The following PPP2R5E variants were observed in gnomAD, a reference collection of about 807,000 sequenced individuals.
PPP2R5E encodes the protein protein phosphatase 2 regulatory subunit B'epsilon.
PPP2R5E carries 4 observed loss-of-function variants against 65.3 expected under a neutral mutation model. The observed-to-expected ratio is 0.06, with a 90% CI of 0.03 to 0.14. PPP2R5E has a LOEUF of 0.14. Among genes scored for constraint, PPP2R5E ranks in the 10% least tolerant of loss-of-function variants. The pLI is 1.00. For missense variants in PPP2R5E, 274 were observed against 556.1 expected (o/e 0.49, Z 5.10); for synonymous variants, 183 against 187.4 (o/e 0.98, Z 0.19).
At chr14:63,419,324 A>G (rs534413460) in intron 4 of PPP2R5E, among the ~76,000 whole-genome samples, 1 of 152,284 alleles carries the variant, frequency 6.6e-6, no homozygotes, top group African/African-American at 2.4e-5. Context: ...TGTTCCAGAA[A>G]AGGAAGCGTA....
intron 7 of PPP2R5E, 75 bp downstream of exon 7, chr14:63,395,151 T>C (rs1594823468): frequency 1.7e-5 from 22 of 1,258,098 alleles, no homozygotes; most frequent in Middle Eastern, 4.3e-4. Context: ...TAGGTGAGCA[T>C]CTCTTGGTGC....
intron 3 of PPP2R5E, chr14:63,453,123 AAT>A (rs1888937271): frequency 2.0e-5 from 3 of 152,220 alleles, no homozygotes; most frequent in Admixed American, 2.0e-4. Flanking sequence ...TTATGTTAAT[AAT>A]GTTTTTCCTC....
chr14:63,497,976 C>T (rs1029809293), intron 2 of PPP2R5E, among the ~76,000 whole-genome samples: 1 of 152,162 alleles, frequency 6.6e-6, no homozygotes, highest in Non-Finnish European at 1.5e-5. Flanking sequence ...TTCTTATTCA[C>T]TTAGAATAAT....
Position 63,404,611 on chromosome 14 carries a change from T to C in PPP2R5E, c.550-7895A>G, listed in dbSNP as rs947682074. On this transcript the variant is annotated intron_variant, in intron 5 of 13. Coordinates refer to ENST00000337537, the MANE Select transcript of PPP2R5E (RefSeq NM_006246.5). Reference sequence around the variant, plus strand: ...CAATGGGGACAAGGCATCAAAAGGTTGCGATCACAAGCTTCTGGCAATTCT... The same window carrying C: ...CAATGGGGACAAGGCATCAAAAGGTCGCGATCACAAGCTTCTGGCAATTCT... Among the ~76,000 whole-genome samples the C allele has an allele frequency of 3.3e-5, 5 of 152,192 alleles. No individual in the cohort carries two copies. In the South Asian group the frequency reaches 6.2e-4, roughly 19 times the overall value.
intron 5 of PPP2R5E, among the ~76,000 whole-genome samples, chr14:63,410,245 C>G (rs1049235820): frequency 6.6e-6 from 1 of 151,974 alleles, no homozygotes; most frequent in Admixed American, 6.6e-5. Context: ...TAGAAATCTG[C>G]CCAAAGAAAA....
At chr14:63,435,183 T>G (rs1322301345) in intron 3 of PPP2R5E, among the ~76,000 whole-genome samples, 1 of 152,164 alleles carries the variant, frequency 6.6e-6, no homozygotes, top group East Asian at 1.9e-4. Context: ...AATTGCTAAA[T>G]TCATTGAACG....
At chr14:63,397,049 T>C (rs1226772604) in intron 5 of PPP2R5E, among the ~76,000 whole-genome samples, 1 of 152,194 alleles carries the variant, frequency 6.6e-6, no homozygotes, top group African/African-American at 2.4e-5. Context: ...TGTCCCCCTT[T>C]TACAGAAGAG....
chr14:63,387,720 T>TG (rs60864068), intron 11 of PPP2R5E, among the ~76,000 whole-genome samples: 3,492 of 152,328 alleles, frequency 0.023, 142 homozygotes, highest in African/African-American at 0.08. Flanking sequence ...ATTCATATGT[T>TG]GAAGTCCTAA....
chr14:63,393,383 T>C (rs12590653), intron 8 of PPP2R5E, among the ~76,000 whole-genome samples: 6,151 of 151,614 alleles, frequency 0.041, 270 homozygotes, highest in East Asian at 0.14. Flanking sequence ...CCTCGGGGAG[T>C]ATTTTAAACT....
At chr14:63,475,981 T>C (rs1421413037) in intron 2 of PPP2R5E, among the ~76,000 whole-genome samples, 2 of 152,226 alleles carry the variant, frequency 1.3e-5, no homozygotes, top group Non-Finnish European at 2.9e-5. Flanking sequence ...TGTATGCATG[T>C]CTATATATTC....
chr14:63,400,699 C>CAAAAAA lies in PPP2R5E; in HGVS notation c.550-3989_550-3984dup, dbSNP rs150068587. On this transcript the variant is annotated intron_variant, in intron 5 of 13. Transcript: ENST00000337537. ...AGAAAGGCATGTGGCCCCAACCAGC[C>CAAAAAA]AAAAAAAAAAGGCCCCATATAGACT... Among the ~76,000 whole-genome samples the CAAAAAA allele has an allele frequency of 3.3e-4, 24 of 73,750 alleles. 2 individuals are homozygous for CAAAAAA. In the South Asian group the frequency reaches 3.4e-3, roughly 10 times the overall value. 48.4% of individuals were successfully genotyped at this position (73,750 alleles called of 152,430 possible).
chr14:63,414,837 C>T (rs1402498287), intron 5 of PPP2R5E, among the ~76,000 whole-genome samples: 2 of 152,098 alleles, frequency 1.3e-5, no homozygotes, highest in Non-Finnish European at 2.9e-5. Context: ...TATAACGATT[C>T]CCACAAACCA....
At chr14:63,466,294 A>T (rs544967769) in intron 2 of PPP2R5E, among the ~76,000 whole-genome samples, 3 of 150,630 alleles carry the variant, frequency 2.0e-5, no homozygotes, top group East Asian at 3.9e-4. Context: ...AAACAACAAC[A>T]AGAGTCAATC....
chr14:63,486,180 A>G (rs543733273), intron 2 of PPP2R5E, among the ~76,000 whole-genome samples: 1 of 151,908 alleles, frequency 6.6e-6, no homozygotes, highest in South Asian at 2.1e-4. Flanking sequence ...TCCTCTAAAA[A>G]ATGTACCCTA....
At chr14:63,397,115 G>A (rs1195342928) in intron 5 of PPP2R5E, among the ~76,000 whole-genome samples, 1 of 152,152 alleles carries the variant, frequency 6.6e-6, no homozygotes, top group Non-Finnish European at 1.5e-5. Context: ...GCTAATAGGT[G>A]GTAAAGCTAG....
At chr14:63,470,301 G>A (rs555937746) in intron 2 of PPP2R5E, among the ~76,000 whole-genome samples, 1 of 151,788 alleles carries the variant, frequency 6.6e-6, no homozygotes, top group East Asian at 1.9e-4. Context: ...TGAACTCCTA[G>A]GCTCAAGGGA....
intron 3 of PPP2R5E, 121 bp downstream of exon 3, chr14:63,453,568 T>G (rs1244246023): frequency 5.4e-6 from 5 of 920,390 alleles, no homozygotes; most frequent in Middle Eastern, 2.2e-4. Flanking sequence ...TGCTTAGCTC[T>G]CCAAAGGTTG....
intron 4 of PPP2R5E, among the ~76,000 whole-genome samples, chr14:63,419,546 AT>A (rs1260343730): frequency 6.6e-6 from 1 of 151,776 alleles, no homozygotes; most frequent in Non-Finnish European, 1.5e-5. Context: ...AACACTGAAA[AT>A]GGAAAGGTGG....
intron 3 of PPP2R5E, among the ~76,000 whole-genome samples, chr14:63,430,349 A>G (rs567013494): frequency 9.7e-6 from 1 of 103,606 alleles, no homozygotes; most frequent in Non-Finnish European, 2.1e-5. Context: ...ACCCATGTAT[A>G]CATACATACA....
Sources: gnomAD v4.1 joint callset for allele counts (sites outside exome capture counted in the v4.1 genomes callset) on GRCh38, gnomAD v4.1.1 for gene constraint, MANE v1.5 for transcripts, NCBI Gene and HGNC (gene_info 2026-07-23, HGNC 2026-07-21) for gene names.